FOXP2: variants seen among roughly 807,000 people sequenced by gnomAD.
FOXP2 encodes forkhead box protein P2.
A neutral mutation model predicts 115.8 loss-of-function variants in FOXP2; 12 were observed. The ratio of observed to expected loss-of-function variants is 0.10; its 90% confidence interval spans 0.07 to 0.17. FOXP2 has a LOEUF of 0.17. FOXP2 is among the 10% of genes least tolerant of loss of function. FOXP2 has a pLI of 1.00. For synonymous variants in FOXP2, 328 were observed against 297.7 expected (o/e 1.10, Z -1.05); for missense variants, 629 against 843.5 (o/e 0.75, Z 3.15).
At chr7:114,477,468 C>T (rs1196854141) in intron 2 of FOXP2, among the ~76,000 whole-genome samples, 1 of 151,878 alleles carries the variant, frequency 6.6e-6, no homozygotes, top group African/African-American at 2.4e-5. Context: ...CACACATGGA[C>T]ATACAGACAC....
intron 16 of FOXP2, 155 bp downstream of exon 16, chr7:114,664,591 T>A (rs1807064705): frequency 1.9e-5 from 17 of 881,328 alleles, no homozygotes; most frequent in Non-Finnish European, 2.8e-5. Context: ...ACAAAGTTTA[T>A]CAAAATCGGT....
At chr7:114,169,229 G>A (rs1793069128) in intron 1 of FOXP2, among the ~76,000 whole-genome samples, 1 of 152,200 alleles carries the variant, frequency 6.6e-6, no homozygotes, top group Non-Finnish European at 1.5e-5. Context: ...CTTGCACCAT[G>A]TGCCTGGAAA....
intron 1 of FOXP2, among the ~76,000 whole-genome samples, chr7:114,241,904 C>G (rs1318425602): frequency 6.6e-6 from 1 of 151,374 alleles, no homozygotes; most frequent in Non-Finnish European, 1.5e-5. Context: ...CAACTAAAAC[C>G]ATGCCCATCC....
chr7:114,605,622 C>T (rs1235522327), intron 3 of FOXP2, among the ~76,000 whole-genome samples: 2 of 152,088 alleles, frequency 1.3e-5, no homozygotes, highest in African/African-American at 4.8e-5. Context: ...TGCTGAGCCT[C>T]GGACGATAAG....
chr7:114,564,087 A>G (rs1363105012), intron 3 of FOXP2, among the ~76,000 whole-genome samples: 1 of 152,092 alleles, frequency 6.6e-6, no homozygotes, highest in Non-Finnish European at 1.5e-5. Context: ...AAACAAACAA[A>G]CAAAAAACAC....
chr7:114,389,503 C>T (rs117528636), intron 2 of FOXP2, among the ~76,000 whole-genome samples: 1 of 152,144 alleles, frequency 6.6e-6, no homozygotes, highest in Non-Finnish European at 1.5e-5. Context: ...AGAATGTCTC[C>T]TTTTCTTCTC....
intron 2 of FOXP2, among the ~76,000 whole-genome samples, chr7:114,497,313 G>A (rs1424030715): frequency 2.6e-5 from 4 of 151,942 alleles, no homozygotes; most frequent in South Asian, 2.1e-4. Context: ...TTTTGGGGTC[G>A]AATACATATA....
intron 3 of FOXP2, among the ~76,000 whole-genome samples, chr7:114,588,862 ACTGCTT>A (rs1195745847): frequency 6.6e-6 from 1 of 152,192 alleles, no homozygotes; most frequent in Non-Finnish European, 1.5e-5. Context: ...TGTGAAAAAT[ACTGCTT>A]CTATTTCTTG....
At chr7:114,359,371 G>C (rs991428316) in intron 2 of FOXP2, among the ~76,000 whole-genome samples, 1 of 152,218 alleles carries the variant, frequency 6.6e-6, no homozygotes, top group African/African-American at 2.4e-5. Flanking sequence ...CTCTGCTAGG[G>C]GAGCACAAAA....
intron 2 of FOXP2, among the ~76,000 whole-genome samples, chr7:114,388,547 T>G (rs972342694): frequency 1.5e-4 from 23 of 152,168 alleles, no homozygotes; most frequent in African/African-American, 5.5e-4. Flanking sequence ...ATTACATCTT[T>G]CTTGCTGTTT....
intron 3 of FOXP2, among the ~76,000 whole-genome samples, chr7:114,546,609 GA>G (rs1799938677): frequency 6.6e-6 from 1 of 151,882 alleles, no homozygotes; most frequent in African/African-American, 2.4e-5. Flanking sequence ...CCCCTTATCT[GA>G]TTGGCAAACT....
chr7:114,380,668 G>T (rs1349660820), intron 2 of FOXP2, among the ~76,000 whole-genome samples: 1 of 152,188 alleles, frequency 6.6e-6, no homozygotes, highest in Non-Finnish European at 1.5e-5. Context: ...AATAAAGCCT[G>T]ATATTTAAGT....
intron 2 of FOXP2, among the ~76,000 whole-genome samples, chr7:114,327,278 G>C (rs566777730): frequency 6.1e-4 from 93 of 152,266 alleles, no homozygotes; most frequent in African/African-American, 2.1e-3. Flanking sequence ...GATCTTTGTT[G>C]AATGAATACT....
chr7:114,405,895 C>T (rs1490168037), intron 2 of FOXP2, among the ~76,000 whole-genome samples: 1 of 151,546 alleles, frequency 6.6e-6, no homozygotes, highest in Non-Finnish European at 1.5e-5. Context: ...TCATGTGATA[C>T]CTGTATAGTC....
chr7:114,489,817 T>G (rs1796951354), intron 2 of FOXP2, among the ~76,000 whole-genome samples: 1 of 152,056 alleles, frequency 6.6e-6, no homozygotes, highest in Non-Finnish European at 1.5e-5. Context: ...CAAGTAAGTA[T>G]ATGAAAAGAT....
intron 3 of FOXP2, among the ~76,000 whole-genome samples, chr7:114,554,294 G>A (rs1209993896): frequency 6.6e-6 from 1 of 152,062 alleles, no homozygotes; most frequent in African/African-American, 2.4e-5. Context: ...TTAAGAACAG[G>A]TGTAGAAAAC....
chr7:114,237,701 C>G (rs896657762), intron 1 of FOXP2, among the ~76,000 whole-genome samples: 1 of 151,728 alleles, frequency 6.6e-6, no homozygotes, highest in African/African-American at 2.4e-5. Flanking sequence ...AGGCAGGGCT[C>G]AGAGCCTCAC....
chr7:114,150,822 A>G (rs1395681747), intron 1 of FOXP2, among the ~76,000 whole-genome samples: 1 of 151,966 alleles, frequency 6.6e-6, no homozygotes, highest in African/African-American at 2.4e-5. Flanking sequence ...GGCTTTTATT[A>G]TACAAGCAGA....
intron 2 of FOXP2, among the ~76,000 whole-genome samples, chr7:114,391,934 A>G (rs976778440): frequency 6.6e-6 from 1 of 152,216 alleles, no homozygotes; most frequent in Admixed American, 6.5e-5. Flanking sequence ...GAACTCACAT[A>G]TGTGGTGATT....
Sources: allele counts gnomAD v4.1 joint callset (sites outside exome capture counted in the v4.1 genomes callset), GRCh38; gene constraint gnomAD v4.1.1; transcripts MANE v1.5; gene names NCBI Gene and HGNC (gene_info 2026-07-23, HGNC 2026-07-21).